Variants in DDAH1 observed in about 807,000 individuals in gnomAD.
The protein encoded by DDAH1 is dimethylarginine dimethylaminohydrolase 1, also known as N(G),N(G)-dimethylarginine dimethylaminohydrolase 1.
DDAH1 carries 19 observed loss-of-function variants against 28.8 expected under a neutral mutation model. The ratio of observed to expected loss-of-function variants is 0.66; its 90% CI spans 0.46 to 0.97. The LOEUF (loss-of-function observed/expected upper bound fraction) is 0.97. Ranked by LOEUF, DDAH1 falls within the 50% of genes least tolerant of loss-of-function variation. DDAH1 has a pLI of 0.00. For missense variants in DDAH1, 326 were observed against 375.9 expected, an observed-to-expected ratio of 0.87 and a Z score of 1.10; for synonymous variants, 153 against 154.4, an observed-to-expected ratio of 0.99 and a Z score of 0.07.
chr1:85,483,432 T>C (rs1254473893), intron 2 of DDAH1, among the ~76,000 whole-genome samples: 1 of 152,114 alleles, frequency 6.6e-6, no homozygotes, highest in Non-Finnish European at 1.5e-5. Context: ...AAAACCTGAT[T>C]GGCTCGCTCT....
At chr1:85,576,161 A>G (rs1021863851) in intron 1 of DDAH1, among the ~76,000 whole-genome samples, 2 of 152,186 alleles carry the variant, frequency 1.3e-5, no homozygotes, top group Non-Finnish European at 2.9e-5. Flanking sequence ...TAAACAAATC[A>G]ATATATAGAA....
At chr1:85,412,008 T>C (rs1448222103) in intron 1 of DDAH1, among the ~76,000 whole-genome samples, 1 of 152,254 alleles carries the variant, frequency 6.6e-6, no homozygotes, top group Non-Finnish European at 1.5e-5. Flanking sequence ...ATCCCACTGA[T>C]ATAGAATGTA....
chr1:85,453,287 T>A (rs7555486), intron 1 of DDAH1, among the ~76,000 whole-genome samples: 38,385 of 152,092 alleles, frequency 0.25, 5,095 homozygotes, highest in Middle Eastern at 0.3. Flanking sequence ...TGCAAACCAC[T>A]CAGAGGCTTC....
rs545508364 is a variant in DDAH1 at position 85,436,237 on chromosome 1, T to A, written c.303+28506A>T. Reference sequence around the variant, plus strand: ...AATATTCTTGTGATAATTTAAAAAATTTTTTTTTCCCTTTATTTTAACTTT... The same window carrying A: ...AATATTCTTGTGATAATTTAAAAAAATTTTTTTTCCCTTTATTTTAACTTT... On this transcript the variant is annotated intron_variant, in intron 1 of 5. Transcript: ENST00000284031. 2.8e-3 allele frequency among the ~76,000 whole-genome samples: 424 copies of A among 152,044 alleles called. 3 individuals are homozygous for A. Among genetic ancestry groups the A allele is most frequent in the African/African-American group, 8.1e-3 (336 of 41,446 alleles).
intron 2 of DDAH1, among the ~76,000 whole-genome samples, chr1:85,475,510 G>GT (rs969781199): frequency 6.6e-6 from 1 of 152,058 alleles, no homozygotes; most frequent in Admixed American, 6.6e-5. Flanking sequence ...CTGCTGAATG[G>GT]GAACCTTCTT....
chr1:85,503,290 C>T (rs934261233), intron 1 of DDAH1, among the ~76,000 whole-genome samples: 10 of 152,080 alleles, frequency 6.6e-5, no homozygotes, highest in African/African-American at 1.9e-4. Context: ...CTGCAACCTC[C>T]GCCTCCTGGG....
At chr1:85,529,525 G>A (rs1474545209) in intron 1 of DDAH1, among the ~76,000 whole-genome samples, 1 of 148,940 alleles carries the variant, frequency 6.7e-6, no homozygotes, top group Non-Finnish European at 1.5e-5. Context: ...GGCAGGTGGG[G>A]TAGAAGCACT....
At chr1:85,391,287 C>G (rs535457781) in intron 1 of DDAH1, among the ~76,000 whole-genome samples, 142 of 152,274 alleles carry the variant, frequency 9.3e-4, no homozygotes, top group Admixed American at 3.7e-3. Context: ...GTTCCTAAAC[C>G]TACAGAAGAC....
At chr1:85,463,544 C>T (rs1655218513) in intron 1 of DDAH1, among the ~76,000 whole-genome samples, 1 of 152,188 alleles carries the variant, frequency 6.6e-6, no homozygotes, top group Admixed American at 6.5e-5. Flanking sequence ...AGATCTGTTA[C>T]TCTTTTGGTT....
intron 4 of DDAH1, among the ~76,000 whole-genome samples, chr1:85,342,869 C>G (rs1570402205): frequency 1.3e-5 from 2 of 152,274 alleles, no homozygotes; most frequent in Non-Finnish European, 2.9e-5. Flanking sequence ...GGGTTCCATT[C>G]CAGACCCAGA....
intron 1 of DDAH1, among the ~76,000 whole-genome samples, chr1:85,428,773 A>T (rs559079584): frequency 6.6e-5 from 10 of 152,242 alleles, no homozygotes; most frequent in East Asian, 3.9e-4. Flanking sequence ...GCTGTGCTTT[A>T]TTCAGGAAGA....
chr1:85,563,863 G>A (rs1401495915), intron 1 of DDAH1, among the ~76,000 whole-genome samples: 8 of 152,238 alleles, frequency 5.3e-5, no homozygotes, highest in Non-Finnish European at 8.8e-5. Flanking sequence ...CCCAAGTCAA[G>A]CTTCTAGAGT....
intron 1 of DDAH1, among the ~76,000 whole-genome samples, chr1:85,369,809 T>A (rs1019936628): frequency 1.3e-5 from 2 of 152,196 alleles, no homozygotes; most frequent in African/African-American, 4.8e-5. Context: ...ATAAAATGGC[T>A]AGGGTAGTTA....
At chr1:85,374,921 T>G (rs1164433090) in intron 1 of DDAH1, among the ~76,000 whole-genome samples, 1 of 152,146 alleles carries the variant, frequency 6.6e-6, no homozygotes, top group East Asian at 1.9e-4. Context: ...TGTATTGAAT[T>G]TTAGAGTACT....
At chr1:85,470,939 T>G (rs535723) in intron 2 of DDAH1, among the ~76,000 whole-genome samples, 35,145 of 152,094 alleles carry the variant, frequency 0.23, 4,193 homozygotes, top group East Asian at 0.44. Context: ...AAGCCTGAAT[T>G]TGATTCCTGG....
At chr1:85,521,466 T>A (rs1310782900) in intron 1 of DDAH1, among the ~76,000 whole-genome samples, 1 of 151,906 alleles carries the variant, frequency 6.6e-6, no homozygotes, top group Non-Finnish European at 1.5e-5. Context: ...ATGCTGTCTT[T>A]AATGGCCAAT....
rs143841704 is a variant in DDAH1, at chr1:85,452,850, A to G, written c.303+11893T>C. 7.2e-4 allele frequency among the ~76,000 whole-genome samples: 109 copies of G among 152,332 alleles called. 1 individual carries two copies. The highest frequency in any genetic ancestry group is 6.8e-3 in the Middle Eastern group (2 of 294). ...TCATTAAAGCAAACCAACAACAACA[A>G]AAACTTTCTCCTGGCTAAACGATCA... is the stretch of plus-strand genomic sequence containing the variant. On this transcript the variant is annotated intron_variant, in intron 1 of 5. Transcript: ENST00000284031.
At chr1:85,435,012 C>T (rs945779342) in intron 1 of DDAH1, among the ~76,000 whole-genome samples, 1 of 152,050 alleles carries the variant, frequency 6.6e-6, no homozygotes, top group Non-Finnish European at 1.5e-5. Context: ...CTAAGTTTTA[C>T]TATTTTCCTT....
At chr1:85,527,323 G>A (rs3119165) in intron 1 of DDAH1, among the ~76,000 whole-genome samples, 8 of 148,576 alleles carry the variant, frequency 5.4e-5, no homozygotes, top group African/African-American at 1.5e-4. Context: ...CTTGTGCAGC[G>A]GTCTGGTCTC....
Sources: allele counts gnomAD v4.1 joint callset (sites outside exome capture counted in the v4.1 genomes callset), GRCh38; gene constraint gnomAD v4.1.1; transcripts MANE v1.5; gene names NCBI Gene and HGNC (gene_info 2026-07-23, HGNC 2026-07-21).